Variants in PTPN3 observed in about 807,000 individuals in gnomAD.
PTPN3 encodes the protein tyrosine-protein phosphatase non-receptor type 3.
A neutral mutation model predicts 132.7 loss-of-function variants in PTPN3; 96 were observed. The observed-to-expected ratio is 0.72, with a 90% CI of 0.61 to 0.86. The LOEUF (loss-of-function observed/expected upper bound fraction) is 0.86, where lower values mean the gene tolerates loss of function less well. Ranked by LOEUF, PTPN3 falls within the 40% of genes least tolerant of loss-of-function variation. PTPN3 has a pLI of 0.00. For missense variants in PTPN3, 1,125 were observed against 1,159.6 expected (o/e 0.97, Z 0.43); for synonymous variants, 398 against 429.0 (o/e 0.93, Z 0.89).
At chr9:109,383,117 G>A (rs1839255886) in intron 23 of PTPN3, among the ~76,000 whole-genome samples, 1 of 152,200 alleles carries the variant, frequency 6.6e-6, no homozygotes. Flanking sequence ...GTTCCCCAGT[G>A]TTGTAGCAGG....
chr9:109,381,531 G>C (rs1839084793), intron 25 of PTPN3, 121 bp downstream of exon 25: 1 of 1,395,008 alleles, frequency 7.2e-7, no homozygotes, highest in Non-Finnish European at 1.0e-6. Flanking sequence ...CTGTGACCTT[G>C]GGCAAGTGAT....
Position 109,474,292 on chromosome 9 carries a change from G to A in PTPN3, c.-17-10841C>T, listed in dbSNP as rs190908092. On this transcript the variant is annotated intron_variant, in intron 1 of 25. Coordinates refer to ENST00000374541, the MANE Select transcript of PTPN3 (RefSeq NM_002829.4). ...CTCCAAGCAACCTGCATCTGACTAC[G>A]ATTTCATGGGCTTGTCAATCTTGTT... Among the ~76,000 whole-genome samples, 13 of 152,282 alleles carry A rather than the reference G, an allele frequency of 8.5e-5. No individual in the cohort carries two copies. The East Asian group carries it at 1.7e-3, about 20-fold the overall frequency.
intron 1 of PTPN3, among the ~76,000 whole-genome samples, chr9:109,483,487 G>C (rs1229874395): frequency 6.6e-6 from 1 of 152,176 alleles, no homozygotes; most frequent in Non-Finnish European, 1.5e-5. Context: ...CAATCAGAGA[G>C]AGAGGGATGC....
At chr9:109,389,164 CT>C in intron 22 of PTPN3, 68 bp downstream of exon 22, 2 of 1,569,592 alleles carry the variant, frequency 1.3e-6, no homozygotes, top group Admixed American at 3.5e-5. Flanking sequence ...CTTCTCAGCG[CT>C]GAGATTCATG....
the PTPN3 span, among the ~76,000 whole-genome samples, chr9:109,511,991 T>C: frequency 1.3e-5 from 2 of 152,152 alleles, no homozygotes; most frequent in African/African-American, 4.8e-5. Context: ...AAATGGATCT[T>C]GGGAGTTTGT....
At chr9:109,445,201 C>A in intron 7 of PTPN3, 39 bp downstream of exon 7, 1 of 1,589,704 alleles carries the variant, frequency 6.3e-7, no homozygotes, top group Non-Finnish European at 8.6e-7. Flanking sequence ...CTGATCAGAA[C>A]AACCTGTCCA....
chr9:109,425,060 A>G (rs889619592), intron 12 of PTPN3, among the ~76,000 whole-genome samples: 11 of 152,198 alleles, frequency 7.2e-5, no homozygotes, highest in African/African-American at 2.2e-4. Context: ...ACCTAAGTCA[A>G]TGATATAATC....
the PTPN3 span, among the ~76,000 whole-genome samples, chr9:109,537,304 C>T: frequency 2.0e-5 from 3 of 152,094 alleles, no homozygotes; most frequent in Non-Finnish European, 4.4e-5. Flanking sequence ...AGGGAGTTTC[C>T]AACCCCCTCC....
chr9:109,448,902 CAAAAAAA>C, intron 5 of PTPN3, 47 bp from the exon 6 acceptor site: 1 of 1,290,368 alleles, frequency 7.7e-7, no homozygotes, highest in Admixed American at 3.9e-5. Context: ...CTGAAATAAG[CAAAAAAA>C]AAAAAAAAAG....
chr9:109,440,721 A>C (rs936042484), intron 7 of PTPN3, among the ~76,000 whole-genome samples: 2 of 152,240 alleles, frequency 1.3e-5, no homozygotes, highest in African/African-American at 4.8e-5. Context: ...GTTATCCATC[A>C]TACCAGTTAA....
the PTPN3 span, among the ~76,000 whole-genome samples, chr9:109,536,756 G>T: frequency 6.6e-6 from 1 of 152,168 alleles, no homozygotes; most frequent in African/African-American, 2.4e-5. Flanking sequence ...AAAGGAAGAA[G>T]ATATGGTAGA....
At chr9:109,448,296 T>G (rs1276208240) in intron 6 of PTPN3, among the ~76,000 whole-genome samples, 1 of 152,182 alleles carries the variant, frequency 6.6e-6, no homozygotes, top group African/African-American at 2.4e-5. Flanking sequence ...TGCTGCAGTT[T>G]CTTCCCTAAG....
intron 1 of PTPN3, among the ~76,000 whole-genome samples, chr9:109,497,810 C>A (rs546808690): frequency 6.6e-6 from 1 of 151,972 alleles, no homozygotes; most frequent in Non-Finnish European, 1.5e-5. Context: ...CGGCTAGCTC[C>A]CCGCGGGCTG....
chr9:109,394,902 G>C (rs1374586067), intron 19 of PTPN3, among the ~76,000 whole-genome samples: 1 of 152,212 alleles, frequency 6.6e-6, no homozygotes, highest in Non-Finnish European at 1.5e-5. Context: ...CACTTTGGGA[G>C]GCTGAGGCGG....
intron 19 of PTPN3, among the ~76,000 whole-genome samples, chr9:109,403,888 G>C (rs903957098): frequency 1.3e-5 from 2 of 152,146 alleles, no homozygotes; most frequent in East Asian, 3.8e-4. Context: ...GGGGAAGATG[G>C]GGGTTTGAGT....
chr9:109,440,473 T>C (rs1844375065), intron 7 of PTPN3, among the ~76,000 whole-genome samples: 1 of 152,150 alleles, frequency 6.6e-6, no homozygotes, highest in Non-Finnish European at 1.5e-5. Flanking sequence ...AAGACACCTT[T>C]GGGACAGGGT....
rs1167696771 is a variant in PTPN3 at position 109,494,268 on chromosome 9, C to T, written c.-18+3951G>A. Among the ~76,000 whole-genome samples the T allele has an allele frequency of 2.6e-5, 4 of 152,086 alleles. No homozygotes were observed. In the South Asian group the frequency reaches 6.2e-4, roughly 24 times the overall value. On this transcript the variant is annotated intron_variant, in intron 1 of 25. Transcript: ENST00000374541. ...GGAGGACTGTTTGAGCCCAGGAGTT[C>T]GAGACCAGCTTGGGCAACATAGTAA...
At chr9:109,403,870 G>A (rs78424603) in intron 19 of PTPN3, among the ~76,000 whole-genome samples, 5,532 of 152,256 alleles carry the variant, frequency 0.036, 141 homozygotes, top group East Asian at 0.15. Context: ...TGAATCACAG[G>A]TTCCCCTGGG....
At chr9:109,436,033 G>A (rs552775914) in intron 9 of PTPN3, among the ~76,000 whole-genome samples, 16 of 152,230 alleles carry the variant, frequency 1.1e-4, no homozygotes, top group African/African-American at 3.6e-4. Flanking sequence ...CTATAAAACG[G>A]GAATAACTAG....
Sources: gnomAD v4.1 joint callset for allele counts (sites outside exome capture counted in the v4.1 genomes callset) on GRCh38, gnomAD v4.1.1 for gene constraint, MANE v1.5 for transcripts, NCBI Gene and HGNC (gene_info 2026-07-23, HGNC 2026-07-21) for gene names.